MYH1: variants seen among roughly 807,000 people sequenced by gnomAD.
MYH1 encodes myosin-1.
MYH1 carries 214 observed loss-of-function variants against 225.6 expected under a neutral mutation model. That is an observed-to-expected ratio of 0.95 (90% CI 0.85 to 1.06). The LOEUF (loss-of-function observed/expected upper bound fraction) is 1.06. Ranked by LOEUF, MYH1 falls within the 50% of genes least tolerant of loss-of-function variation. MYH1 has a pLI of 0.00. For missense variants in MYH1, 2,098 were observed against 2,344.2 expected (o/e 0.89, Z 2.17); for synonymous variants, 774 against 842.3 (o/e 0.92, Z 1.40).
Position 10,500,766 on chromosome 17 carries a change from G to C in MYH1, c.3739-14C>G. 1 of 1,614,104 alleles carries C rather than the reference G, an allele frequency of 6.2e-7. No homozygotes were observed. The highest frequency in any genetic ancestry group is 1.1e-5 in the South Asian group (1 of 91,082). ...TTCAAGGTTTCCCTGCATTCAAAAA[G>C]TGGTAGAAGGCATCTCAAGTAAGTA... On this transcript the variant is annotated splice_polypyrimidine_tract_variant and intron_variant, in intron 27 of 39. Coordinates refer to ENST00000226207, the MANE Select transcript of MYH1 (RefSeq NM_005963.4).
intron 14 of MYH1, among the ~76,000 whole-genome samples, chr17:10,510,054 G>A (rs1431883192): frequency 6.6e-6 from 1 of 152,086 alleles, no homozygotes; most frequent in East Asian, 1.9e-4. Flanking sequence ...GGAGGGAGGG[G>A]ATCAGAAAAA....
At position 10,505,810 on chromosome 17, in the gene MYH1, A is replaced by G; in HGVS notation, c.2174+2T>C. 3.7e-6 allele frequency: 6 copies of G among 1,613,900 alleles called. No individual in the cohort carries two copies. Among genetic ancestry groups the G allele is most frequent in the Non-Finnish European group, 4.2e-6 (5 of 1,179,874 alleles). Reference sequence around the variant, plus strand: ...AAATAATTTACAGCAAAAATGTCTGACCTCTGTTTGAAGTCTGCATAAAGG... The same window carrying G: ...AAATAATTTACAGCAAAAATGTCTGGCCTCTGTTTGAAGTCTGCATAAAGG... On this transcript the variant is annotated splice_donor_variant, in intron 19 of 39. Coordinates refer to ENST00000226207, the MANE Select transcript of MYH1 (RefSeq NM_005963.4). LOFTEE classifies it high-confidence loss of function.
At position 10,495,067 on chromosome 17, in the gene MYH1, T is replaced by G; in HGVS notation, c.5330A>C (p.Gln1777Pro). The G allele has an allele frequency of 6.2e-7, 1 of 1,614,238 alleles. No individual in the cohort carries two copies. The highest frequency in any genetic ancestry group is 8.5e-7 in the Non-Finnish European group (1 of 1,180,042). ...AMMAEELKKE[Q>P]DTSAHLERMK... ...CCGCTCCAGATGGGCGCTGGTGTCC[T>G]GTTCCTTCTTCAGCTCCTCAGCCAT... The change falls in exon 37 of 40, where the codon CAG becomes CCG. Residue 1777 changes from glutamine (Q) to proline (P), a missense_variant. Physicochemically the swap from Gln to Pro is moderately conservative, Grantham distance 76. Coordinates refer to ENST00000226207, the MANE Select transcript of MYH1 (RefSeq NM_005963.4).
At position 10,512,982 on chromosome 17, in the gene MYH1, A is replaced by G. The variant is rs1406953040; in HGVS notation, c.806-17T>C. Reference sequence around the variant, plus strand: ...CCAGAAGATCTGCAACGGATAGTAGACATCAGATTATGGGGAAAAATTACA... The same window carrying G: ...CCAGAAGATCTGCAACGGATAGTAGGCATCAGATTATGGGGAAAAATTACA... On this transcript the variant is annotated splice_polypyrimidine_tract_variant and intron_variant, in intron 9 of 39. Transcript: ENST00000226207. The G allele has an allele frequency of 1.3e-6, 2 of 1,559,734 alleles. No homozygotes were observed. The highest frequency in any genetic ancestry group is 4.5e-5 in the East Asian group (2 of 44,576).
chr17:10,512,965 T>A lies in MYH1; in HGVS notation c.806A>T (p.Tyr269Phe). ...GKLASADIET[Y>F]LLEKSRVTFQ... is the part of the protein sequence containing the mutation. ...AGTAACTCTAGACTTCTCCAGAAGA[T>A]CTGCAACGGATAGTAGACATCAGAT... Residue 269 changes from tyrosine to phenylalanine, a missense_variant and splice_region_variant, in exon 10 of 40, where the codon TAT (tyrosine) becomes TTT (phenylalanine). By Grantham distance (22) the Tyr-to-Phe change is conservative (BLOSUM62 3). Transcript: ENST00000226207. 1 of 1,603,686 alleles carries A rather than the reference T, an allele frequency of 6.2e-7. No homozygotes were observed. The highest frequency in any genetic ancestry group is 8.5e-7 in the Non-Finnish European group (1 of 1,171,206).
chr17:10,514,165 A>G, intron 6 of MYH1, 41 bp from the exon 7 acceptor site: 2 of 1,602,274 alleles, frequency 1.2e-6, no homozygotes, highest in Middle Eastern at 1.7e-4. Context: ...GCACTGTGAC[A>G]AATGAAACTA....
intron 5 of MYH1, 24 bp from the exon 6 acceptor site, chr17:10,514,919 C>T: frequency 6.2e-7 from 1 of 1,610,192 alleles, no homozygotes; most frequent in Non-Finnish European, 8.5e-7. Context: ...AGTGGAAAAT[C>T]AGCATATGTA....
Position 10,501,326 on chromosome 17 carries a change from C to T in MYH1, c.3522G>A (p.Glu1174=). ...QIEMNKKREA[E]FQKMRRDLEE... The stretch of plus-strand genomic sequence containing the variant: ...CCAGGTCCCTGCGCATTTTCTGGAA[C>T]TCAGCCTCCCGCTTCTTGTTCATCT... The change falls in exon 27 of 40, where the codon GAG becomes GAA. Residue 1174 remains glutamate (E), a synonymous_variant. Coordinates refer to ENST00000226207, the MANE Select transcript of MYH1 (RefSeq NM_005963.4). 6.2e-7 allele frequency: 1 copy of T among 1,614,200 alleles called. No individual in the cohort carries two copies. Among genetic ancestry groups the T allele is most frequent in the Non-Finnish European group, 8.5e-7 (1 of 1,180,044 alleles).
intron 28 of MYH1, 81 bp downstream of exon 28, chr17:10,500,545 T>A: frequency 6.3e-7 from 1 of 1,593,600 alleles, no homozygotes; most frequent in Non-Finnish European, 8.6e-7. Context: ...TGACCTCAAG[T>A]AAATAAATGC....
At chr17:10,510,492 A>C (rs2142274837) in intron 14 of MYH1, among the ~76,000 whole-genome samples, 1 of 152,330 alleles carries the variant, frequency 6.6e-6, no homozygotes, top group Middle Eastern at 3.4e-3. Context: ...CAGGAACCCC[A>C]ACATTTTGAT....
rs2142277356 is a variant in MYH1, at chr17:10,512,462, T to G, written c.1093A>C (p.Met365Leu). Residue 365 changes from methionine to leucine, a missense_variant, in exon 12 of 40, where the codon ATG becomes CTG. Met to Leu is a conservative substitution (Grantham distance 15, BLOSUM62 2). Coordinates refer to ENST00000226207, the MANE Select transcript of MYH1 (RefSeq NM_005963.4). ...LTGAVMHYGN[M>L]KFKQKQREEQ... ...TCACGCTGCTTTTGCTTGAATTTCA[T>G]GTTCCCATAATGCATCACAGCCCCT... The G allele has an allele frequency of 6.2e-7, 1 of 1,614,176 alleles. No individual in the cohort carries two copies.
At chr17:10,515,302 C>A (rs1262436331) in intron 5 of MYH1, among the ~76,000 whole-genome samples, 1 of 152,122 alleles carries the variant, frequency 6.6e-6, no homozygotes, top group Non-Finnish European at 1.5e-5. Context: ...CAATATAGCC[C>A]TAACTTCGAT....
chr17:10,506,174 A>G, intron 17 of MYH1, 75 bp from the exon 18 acceptor site: 1 of 1,571,460 alleles, frequency 6.4e-7, no homozygotes, highest in Non-Finnish European at 8.7e-7. Flanking sequence ...ATAATTATTG[A>G]GATCTATGAC....
chr17:10,516,164 C>T (rs1010121619), intron 4 of MYH1, 35 bp downstream of exon 4: 2 of 1,613,682 alleles, frequency 1.2e-6, no homozygotes, highest in Non-Finnish European at 1.7e-6. Context: ...CTATTAACTA[C>T]TCTCATGAGT....
rs764022515 is a variant in MYH1 at position 10,507,851 on chromosome 17, T to C, written c.1968+35A>G. The C allele has an allele frequency of 4.4e-6, 7 of 1,574,218 alleles. No individual in the cohort carries two copies. The South Asian group carries it at 4.5e-5, about 10-fold the overall frequency. On this transcript the variant is annotated intron_variant, in intron 17 of 39. Coordinates refer to ENST00000226207, the MANE Select transcript of MYH1 (RefSeq NM_005963.4). Reference sequence around the variant, plus strand: ...ACACCATAGAGTACATTTAATATCCTAAATCTAATTAGACAGAGAAAATGA... The same window carrying C: ...ACACCATAGAGTACATTTAATATCCCAAATCTAATTAGACAGAGAAAATGA...
At chr17:10,517,331 T>C (rs760948516) in intron 2 of MYH1, among the ~76,000 whole-genome samples, 4 of 152,222 alleles carry the variant, frequency 2.6e-5, no homozygotes, top group Non-Finnish European at 5.9e-5. Context: ...TGTTCTGTTA[T>C]CCATCAATTT....
chr17:10,514,471 G>A (rs952893580), intron 6 of MYH1, among the ~76,000 whole-genome samples: 4 of 152,126 alleles, frequency 2.6e-5, no homozygotes, highest in African/African-American at 9.7e-5. Flanking sequence ...CCATTTCCTC[G>A]GACTAGAGAC....
At chr17:10,506,448 T>C (rs1375224233) in intron 17 of MYH1, among the ~76,000 whole-genome samples, 1 of 152,168 alleles carries the variant, frequency 6.6e-6, no homozygotes, top group Non-Finnish European at 1.5e-5. Context: ...TACTAATCAA[T>C]GCCTTCCTCT....
intron 33 of MYH1, 46 bp from the exon 34 acceptor site, chr17:10,496,595 T>C (rs1259295158): frequency 6.2e-7 from 1 of 1,611,818 alleles, no homozygotes; most frequent in East Asian, 2.2e-5. Flanking sequence ...TGGAAGTGTG[T>C]AGTATTCTAG....
Sources: gnomAD v4.1 joint callset for allele counts (sites outside exome capture counted in the v4.1 genomes callset) on GRCh38, gnomAD v4.1.1 for gene constraint, MANE v1.5 for transcripts, NCBI Gene and HGNC (gene_info 2026-07-23, HGNC 2026-07-21) for gene names.